The following DLGAP1 variants were observed in gnomAD, a reference collection of about 807,000 sequenced individuals.
DLGAP1 encodes DLG associated protein 1.
DLGAP1 carries 11 observed loss-of-function variants against 90.8 expected under a neutral mutation model. That is an observed-to-expected ratio of 0.12 (90% CI 0.08 to 0.20). DLGAP1 has a LOEUF of 0.20. DLGAP1 is among the 10% of genes least tolerant of loss of function. The pLI, the probability that DLGAP1 is intolerant of heterozygous loss-of-function variation, is 1.00. For synonymous variants in DLGAP1, 558 were observed against 540.7 expected (o/e 1.03, Z -0.44); for missense variants, 1,050 against 1,333.8 (o/e 0.79, Z 3.31).
chr18:4,324,026 G>A (rs2080758083), intron 1 of DLGAP1, among the ~76,000 whole-genome samples: 2 of 151,864 alleles, frequency 1.3e-5, no homozygotes, highest in Admixed American at 1.3e-4. Flanking sequence ...AAATCAGAGT[G>A]AAACTGAAGG....
At chr18:3,954,560 A>G (rs1404445541) in intron 3 of DLGAP1, among the ~76,000 whole-genome samples, 3 of 152,246 alleles carry the variant, frequency 2.0e-5, no homozygotes, top group East Asian at 1.9e-4. Flanking sequence ...GCAAAAAGTT[A>G]TGTGACTTAT....
chr18:3,519,295 T>A (rs952912643), intron 10 of DLGAP1, among the ~76,000 whole-genome samples: 1 of 152,210 alleles, frequency 6.6e-6, no homozygotes, highest in Non-Finnish European at 1.5e-5. Flanking sequence ...TGTACAGCTA[T>A]AGTCCCATCG....
intron 1 of DLGAP1, among the ~76,000 whole-genome samples, chr18:4,158,837 G>A (rs1292050207): frequency 6.6e-6 from 1 of 152,134 alleles, no homozygotes; most frequent in Non-Finnish European, 1.5e-5. Flanking sequence ...TGTGAATGAT[G>A]AAAATAATTG....
At chr18:3,922,847 ACTAG>A (rs1030832222) in intron 3 of DLGAP1, among the ~76,000 whole-genome samples, 1 of 152,106 alleles carries the variant, frequency 6.6e-6, no homozygotes. Context: ...AAAAGCATGC[ACTAG>A]GCCGAGTGTC....
At chr18:4,343,173 G>A (rs1033090528) in intron 1 of DLGAP1, among the ~76,000 whole-genome samples, 9 of 151,990 alleles carry the variant, frequency 5.9e-5, no homozygotes, top group South Asian at 2.1e-4. Context: ...CGGGCGTGGT[G>A]GCAGGCGCCT....
intron 1 of DLGAP1, among the ~76,000 whole-genome samples, chr18:4,384,344 A>G (rs1362785026): frequency 6.6e-6 from 1 of 152,166 alleles, no homozygotes; most frequent in Non-Finnish European, 1.5e-5. Context: ...GGATCTTAGT[A>G]AGTGCTCAGC....
intron 2 of DLGAP1, among the ~76,000 whole-genome samples, chr18:4,121,499 G>A (rs566638312): frequency 3.2e-4 from 49 of 152,172 alleles, no homozygotes; most frequent in African/African-American, 1.1e-3. Flanking sequence ...TCTCGATTCT[G>A]ATCAGGTTCC....
intron 5 of DLGAP1, among the ~76,000 whole-genome samples, chr18:3,780,454 C>T (rs2065137907): frequency 6.6e-6 from 1 of 152,132 alleles, no homozygotes; most frequent in Non-Finnish European, 1.5e-5. Flanking sequence ...TTAGAGGCCT[C>T]CTGTATTCCT....
rs546580350 is a variant in DLGAP1 at position 3,995,781 on chromosome 18, T to C, written c.-73+9335A>G. On this transcript the variant is annotated intron_variant, in intron 3 of 12. Transcript: ENST00000315677. ...TATATACACTGTATTCATCAGTGTTTTGCTATAGAGAATGTAAGATATCTT... is the reference window on the plus strand; with the variant it reads ...TATATACACTGTATTCATCAGTGTTCTGCTATAGAGAATGTAAGATATCTT... The C allele has an allele frequency of 8.5e-5, 13 of 152,134 alleles. No homozygotes were observed. The South Asian group carries it at 2.5e-3, about 29-fold the overall frequency. The allele number at this position is 152,134 out of a possible 1,614,324, so 9.4% of individuals were successfully genotyped here. A position where few individuals can be genotyped will look rare whatever the true frequency, so the allele number is the denominator to read the frequency against.
At position 3,716,261 on chromosome 18, in the gene DLGAP1, T is replaced by C. The variant is rs375716903; in HGVS notation, c.1591+12874A>G. On this transcript the variant is annotated intron_variant, in intron 7 of 12. Transcript: ENST00000315677. ...CTAGCTATTTCTTTATTAAAAATAG[T>C]TTCTTGGCTGGATATGGTGGCTCAT... 1.1e-4 allele frequency among the ~76,000 whole-genome samples: 16 copies of C among 152,350 alleles called. No individual in the cohort carries two copies. In the East Asian group the frequency reaches 2.3e-3, roughly 22 times the overall value.
At chr18:4,160,400 TC>T (rs2076824850) in intron 1 of DLGAP1, among the ~76,000 whole-genome samples, 1 of 152,192 alleles carries the variant, frequency 6.6e-6, no homozygotes, top group Non-Finnish European at 1.5e-5. Context: ...TTTCAGTTTT[TC>T]CCCCTCTGTA....
In DLGAP1 at chr18:3,517,511, A is replaced by AG. The variant is rs1273237449; in HGVS notation, c.2480-8851dup. ...CTTCTTCAGCTTCCTCACCTCTCTC[A>AG]GCTTTCATAGAATTGAAGAGAGTTG... On this transcript the variant is annotated intron_variant, in intron 10 of 12. Coordinates refer to ENST00000315677, the MANE Select transcript of DLGAP1 (RefSeq NM_004746.4). The surrounding 1 kb of genome is among the most constrained non-coding windows in gnomAD (Gnocchi z 4.1). Among the ~76,000 whole-genome samples, 1 of 152,186 alleles carries AG rather than the reference A, an allele frequency of 6.6e-6. No individual in the cohort carries two copies. The highest frequency in any genetic ancestry group is 1.5e-5 in the Non-Finnish European group (1 of 68,030).
intron 7 of DLGAP1, chr18:3,722,379 G>T (rs1010836126): frequency 2.0e-5 from 3 of 152,138 alleles, no homozygotes; most frequent in Admixed American, 1.3e-4. Context: ...ATCCTACCTC[G>T]AGTGCCCCAC....
intron 2 of DLGAP1, among the ~76,000 whole-genome samples, chr18:4,080,120 G>A (rs1024777977): frequency 2.0e-5 from 3 of 152,124 alleles, no homozygotes; most frequent in African/African-American, 7.2e-5. Flanking sequence ...CCAAGAATAT[G>A]AAGTGAGGGA....
At chr18:4,149,395 G>A (rs2144385598) in intron 2 of DLGAP1, among the ~76,000 whole-genome samples, 1 of 151,938 alleles carries the variant, frequency 6.6e-6, no homozygotes, top group South Asian at 2.1e-4. Context: ...TTTTCTTGGA[G>A]ATACTTCATT....
At chr18:4,322,482 T>C (rs1054035933) in intron 1 of DLGAP1, among the ~76,000 whole-genome samples, 6 of 152,040 alleles carry the variant, frequency 3.9e-5, no homozygotes, top group Admixed American at 3.9e-4. Context: ...ACAAACCATA[T>C]ATAAAAATAA....
In DLGAP1 at chr18:3,509,011, G is replaced by A. The variant is rs368150847; in HGVS notation, c.2480-350C>T. On this transcript the variant is annotated intron_variant, in intron 10 of 12. Coordinates refer to ENST00000315677, the MANE Select transcript of DLGAP1 (RefSeq NM_004746.4). Reference sequence around the variant, plus strand: ...TTTTTTTTTTTAAACTTCCTTTACCGCAAGGATGAATTTCAAGTGTTTACC... The same window carrying A: ...TTTTTTTTTTTAAACTTCCTTTACCACAAGGATGAATTTCAAGTGTTTACC... Among the ~76,000 whole-genome samples the A allele has an allele frequency of 1.1e-3, 163 of 149,704 alleles. 3 individuals are homozygous for A. In the South Asian group the frequency reaches 0.025, roughly 23 times the overall value.
chr18:3,920,161 G>A (rs552132937), intron 3 of DLGAP1, among the ~76,000 whole-genome samples: 6 of 152,164 alleles, frequency 3.9e-5, no homozygotes, highest in African/African-American at 7.2e-5. Context: ...TGGCCAACAC[G>A]GTGAAACCCC....
intron 9 of DLGAP1, among the ~76,000 whole-genome samples, chr18:3,566,454 G>GAT (rs902843208): frequency 5.3e-5 from 8 of 151,496 alleles, no homozygotes; most frequent in Non-Finnish European, 1.2e-4. Context: ...ATATGTATAT[G>GAT]ATATATATAC....
Sources: gnomAD v4.1 joint callset for allele counts (sites outside exome capture counted in the v4.1 genomes callset) on GRCh38, gnomAD v4.1.1 for gene constraint, Gnocchi (gnomAD v3.1) non-coding constraint, MANE v1.5 for transcripts, NCBI Gene and HGNC (gene_info 2026-07-23, HGNC 2026-07-21) for gene names.